CCDC47: variants seen among roughly 807,000 people sequenced by gnomAD.
The protein encoded by CCDC47 is coiled-coil domain containing 47, also known as PAT complex subunit CCDC47.
CCDC47 carries 41 observed loss-of-function variants against 60.5 expected under a neutral mutation model. The ratio of observed to expected loss-of-function variants is 0.68; its 90% CI spans 0.53 to 0.88. CCDC47 has a LOEUF of 0.88. Among genes scored for constraint, CCDC47 ranks in the 40% least tolerant of loss-of-function variants. The probability of loss-of-function intolerance (pLI) is 0.00; values close to 1 mark genes in which losing one functional copy is unlikely to be tolerated. For missense variants in CCDC47, 513 were observed against 580.9 expected (o/e 0.88, Z 1.20); for synonymous variants, 195 against 190.7 (o/e 1.02, Z -0.18).
Position 63,747,033 on chromosome 17 carries a change from A to G in CCDC47, c.1372-72T>C. 1.9e-6 allele frequency: 3 copies of G among 1,559,030 alleles called. No homozygotes were observed. In the South Asian group the frequency reaches 3.5e-5, roughly 18 times the overall value. ...AGAATTCAAATTAAGCTTGAAACAT[A>G]TGTTAAAAAAAAATCCAAATTAGAA... On this transcript the variant is annotated intron_variant, in intron 12 of 12. Transcript: ENST00000225726.
At chr17:63,752,166 TC>T in intron 11 of CCDC47, 59 bp from the exon 12 acceptor site, 1 of 1,581,966 alleles carries the variant, frequency 6.3e-7, no homozygotes, top group Non-Finnish European at 8.6e-7. Context: ...AGCAACAAAA[TC>T]CCGTTTAGCA....
intron 1 of CCDC47, among the ~76,000 whole-genome samples, chr17:63,768,684 G>T (rs932152933): frequency 6.6e-6 from 1 of 151,938 alleles, no homozygotes; most frequent in Admixed American, 6.6e-5. Flanking sequence ...ACAGTGAAAC[G>T]TGCCTCAAAA....
At chr17:63,762,004 G>T in intron 4 of CCDC47, 1 of 868,192 alleles carries the variant, frequency 1.2e-6, no homozygotes, top group Non-Finnish European at 1.4e-6. Flanking sequence ...CCTATGGAGT[G>T]AATAAAAAAT....
Position 63,752,735 on chromosome 17 carries a change from A to AG in CCDC47, c.1093+5_1093+6insC, listed in dbSNP as rs1284272181. On this transcript the variant is annotated splice_donor_region_variant and intron_variant, in intron 10 of 12. Coordinates refer to ENST00000225726, the MANE Select transcript of CCDC47 (RefSeq NM_020198.3). ...TAAGAACCCAGAAAGGACCCAGAAT[A>AG]CTTACCATTAAATGTAAACAACAGT... is the stretch of plus-strand genomic sequence containing the variant. 1 of 1,610,534 alleles carries AG rather than the reference A, an allele frequency of 6.2e-7. No homozygotes were observed. The highest frequency in any genetic ancestry group is 8.5e-7 in the Non-Finnish European group (1 of 1,178,672).
intron 6 of CCDC47, among the ~76,000 whole-genome samples, chr17:63,759,508 AATATATATATATATATATTT>A (rs2039234596): frequency 1.0e-4 from 2 of 19,648 alleles, no homozygotes; most frequent in Non-Finnish European, 1.4e-4. Flanking sequence ...AAAAAAAAAA[AATATATATATATATATATTT>A]ATATATATAT....
chr17:63,759,468 GAT>G (rs1164759704), intron 6 of CCDC47, among the ~76,000 whole-genome samples: 2 of 113,070 alleles, frequency 1.8e-5, no homozygotes, highest in African/African-American at 6.6e-5. Context: ...CAGCCTGGGT[GAT>G]AGAGTGAGAT....
At position 63,746,878 on chromosome 17, in the gene CCDC47, G is replaced by GC. The variant is rs1469440246; in HGVS notation, c.*2dup. On this transcript the variant is annotated 3_prime_UTR_variant, in exon 13 of 13. Transcript: ENST00000225726. ...CATCAGAACTCAAATCTCTGGGATGGCTTTACATGGCTTTCACTTTGATTT... is the reference window on the plus strand; with the variant it reads ...CATCAGAACTCAAATCTCTGGGATGGCCTTTACATGGCTTTCACTTTGATTT... 6.8e-6 allele frequency: 11 copies of GC among 1,610,376 alleles called. No homozygotes were observed. Among genetic ancestry groups the GC allele is most frequent in the Non-Finnish European group, 8.5e-6 (10 of 1,176,908 alleles).
intron 2 of CCDC47, 91 bp downstream of exon 2, chr17:63,765,821 T>C (rs1568251557): frequency 1.4e-6 from 2 of 1,423,354 alleles, no homozygotes; most frequent in Admixed American, 2.2e-5. Flanking sequence ...CTCCAGACAG[T>C]AAAGGTCTCT....
At position 63,746,958 on chromosome 17, in the gene CCDC47, C is replaced by G; in HGVS notation, c.1375G>C (p.Ala459Pro). 1 of 1,613,216 alleles carries G rather than the reference C, an allele frequency of 6.2e-7. No homozygotes were observed. Among genetic ancestry groups the G allele is most frequent in the Non-Finnish European group, 8.5e-7 (1 of 1,179,570 alleles). ...TTCTTTTGCTCACGCCTCAATGCAG[C>G]CTCCTAGAGAAAGAAGGGGTAATAA... ...DPEKQRRLEEAALRREQKKLE... is the reference protein window; with the variant it reads ...DPEKQRRLEEPALRREQKKLE... Residue 459 changes from alanine (A) to proline (P), a missense_variant, in exon 13 of 13, where the codon GCT (alanine) becomes CCT (proline). Physicochemically the swap from Ala to Pro is conservative, Grantham distance 27. Transcript: ENST00000225726.
chr17:63,751,886 C>T (rs781595333), intron 12 of CCDC47, 54 bp downstream of exon 12: 5 of 1,587,426 alleles, frequency 3.1e-6, no homozygotes, highest in Non-Finnish European at 4.3e-6. Flanking sequence ...CAACAGAACA[C>T]AAGCAGTCAT....
chr17:63,749,394 CAAACAAAACA>C (rs113783145), intron 12 of CCDC47, among the ~76,000 whole-genome samples: 4 of 140,956 alleles, frequency 2.8e-5, no homozygotes, highest in South Asian at 2.3e-4. Flanking sequence ...GACTATGTCT[CAAACAAAACA>C]AAACAAAACA....
chr17:63,767,537 T>G (rs2144496976), intron 1 of CCDC47, among the ~76,000 whole-genome samples: 1 of 152,280 alleles, frequency 6.6e-6, no homozygotes, highest in Middle Eastern at 3.4e-3. Flanking sequence ...CAAACCCATT[T>G]AGGCTGTATT....
At position 63,761,035 on chromosome 17, in the gene CCDC47, A is replaced by G. The variant is rs1349264497; in HGVS notation, c.670-56T>C. 8.7e-6 allele frequency: 13 copies of G among 1,488,064 alleles called. No homozygotes were observed. In the Admixed American group the frequency reaches 2.3e-4, roughly 27 times the overall value. The allele number at this position is 1,488,064 out of a possible 1,614,324, so 92.2% of individuals were successfully genotyped here. On this transcript the variant is annotated intron_variant, in intron 5 of 12. Transcript: ENST00000225726. The stretch of plus-strand genomic sequence containing the variant: ...AACTGCAACTCCTACTTAGTATAAA[A>G]AAAAGGCCTTGAAGGAGAATCAAAT...
intron 1 of CCDC47, among the ~76,000 whole-genome samples, chr17:63,770,985 CAAAA>C (rs760648451): frequency 4.1e-5 from 2 of 49,168 alleles, no homozygotes; most frequent in Non-Finnish European, 7.0e-5. Context: ...GAGACTGTGT[CAAAA>C]AAAAAAAAAA....
intron 6 of CCDC47, among the ~76,000 whole-genome samples, chr17:63,758,593 CAG>C (rs1187173838): frequency 6.6e-6 from 1 of 151,882 alleles, no homozygotes; most frequent in Non-Finnish European, 1.5e-5. Flanking sequence ...AGTTGGTATA[CAG>C]AGAATCTGAG....
In CCDC47 at chr17:63,749,823, C is replaced by T. The variant is rs1356951867; in HGVS notation, c.1371+2117G>A. 2.6e-5 allele frequency among the ~76,000 whole-genome samples: 4 copies of T among 152,058 alleles called. No individual in the cohort carries two copies. The East Asian group carries it at 7.7e-4, about 29-fold the overall frequency. ...GGAGCTCTCTGGCTGGGCACAGTGG[C>T]TCACACCTGTATTCCCAGCATATTG... On this transcript the variant is annotated intron_variant, in intron 12 of 12. Transcript: ENST00000225726.
chr17:63,766,164 G>T lies in CCDC47; in HGVS notation c.12C>A (p.Phe4Leu). 1 of 1,609,376 alleles carries T rather than the reference G, an allele frequency of 6.2e-7. No homozygotes were observed. The highest frequency in any genetic ancestry group is 8.5e-7 in the Non-Finnish European group (1 of 1,178,466). The change falls in exon 2 of 13, where the codon TTC (phenylalanine) becomes TTA (leucine). Residue 4 changes from phenylalanine to leucine, a missense_variant. By Grantham distance (22) the Phe-to-Leu change is conservative. Coordinates refer to ENST00000225726, the MANE Select transcript of CCDC47 (RefSeq NM_020198.3). ...CCAGAAGGACAACACAGAAAGTGTG[G>T]AAGGCTTTCATTGCACCTTGAGAAA... MKA[F>L]HTFCVVLLVF...
chr17:63,752,166 T>C (rs1233186935), intron 11 of CCDC47, 59 bp from the exon 12 acceptor site: 1 of 1,581,848 alleles, frequency 6.3e-7, no homozygotes, highest in Admixed American at 1.7e-5. Flanking sequence ...AGCAACAAAA[T>C]CCCGTTTAGC....
At chr17:63,770,584 G>C (rs1342355486) in intron 1 of CCDC47, among the ~76,000 whole-genome samples, 3 of 152,182 alleles carry the variant, frequency 2.0e-5, no homozygotes, top group East Asian at 1.9e-4. Context: ...CTCTGAGATG[G>C]AGAATATTCT....
Sources: allele counts gnomAD v4.1 joint callset (sites outside exome capture counted in the v4.1 genomes callset), GRCh38; gene constraint gnomAD v4.1.1; transcripts MANE v1.5; gene names NCBI Gene and HGNC (gene_info 2026-07-23, HGNC 2026-07-21).